CTNNA3: variants seen among roughly 807,000 people sequenced by gnomAD.
The protein encoded by CTNNA3 is catenin alpha-3.
In CTNNA3, 76 loss-of-function variants were observed where a neutral mutation model predicts 95.7. The observed-to-expected ratio is 0.79, with a 90% confidence interval of 0.66 to 0.96. CTNNA3 has a LOEUF of 0.96. Among genes scored for constraint, CTNNA3 ranks in the 40% least tolerant of loss-of-function variants. CTNNA3 has a pLI of 0.00. For synonymous variants in CTNNA3, 431 were observed against 374.4 expected (o/e 1.15, Z -1.74); for missense variants, 1,191 against 1,089.8 (o/e 1.09, Z -1.31).
intron 13 of CTNNA3, among the ~76,000 whole-genome samples, chr10:66,138,318 A>T (rs2083452022): frequency 6.6e-6 from 1 of 152,172 alleles, no homozygotes; most frequent in Non-Finnish European, 1.5e-5. Flanking sequence ...CAACCACATG[A>T]TGACATAGTA....
intron 1 of CTNNA3, chr10:67,750,205 C>T (rs1589588925): frequency 1.4e-6 from 2 of 1,379,424 alleles, no homozygotes; most frequent in African/African-American, 1.4e-5. Flanking sequence ...AGACCAAGAA[C>T]CCACTGGAAG....
rs995139639 is a variant in CTNNA3 at position 67,058,003 on chromosome 10, G to A, written c.1047+122314C>T. 3.9e-5 allele frequency among the ~76,000 whole-genome samples: 6 copies of A among 152,106 alleles called. No individual in the cohort carries two copies. In the South Asian group the frequency reaches 6.2e-4, roughly 16 times the overall value. On this transcript the variant is annotated intron_variant, in intron 7 of 17. Transcript: ENST00000433211. ...ATCAGCAGGAAAGATAAGTGATTGC[G>A]CAAAGTTCCCCACATCATAGACACA...
At chr10:67,607,144 G>GCTCAAGTGTCAACTGT in intron 2 of CTNNA3, 95 bp from the exon 3 acceptor site, 1 of 1,006,416 alleles carries the variant, frequency 9.9e-7, no homozygotes, top group Non-Finnish European at 1.4e-6. Flanking sequence ...CAGTACAGTT[G>GCTCAAGTGTCAACTGT]ACACTTGAGC....
intron 9 of CTNNA3, among the ~76,000 whole-genome samples, chr10:66,658,246 C>CT (rs1846137683): frequency 7.1e-6 from 1 of 139,966 alleles, no homozygotes; most frequent in African/African-American, 2.4e-5. Flanking sequence ...CTCTCTCTCC[C>CT]CCTCCCTCTC....
chr10:66,702,429 T>C (rs543118999), intron 9 of CTNNA3, among the ~76,000 whole-genome samples: 2 of 152,136 alleles, frequency 1.3e-5, no homozygotes, highest in East Asian at 3.9e-4. Flanking sequence ...TCATTAACAA[T>C]GGTTTTTGTC....
chr10:66,881,679 A>T (rs1034259397), intron 7 of CTNNA3, among the ~76,000 whole-genome samples: 1 of 152,072 alleles, frequency 6.6e-6, no homozygotes, highest in Non-Finnish European at 1.5e-5. Context: ...CTGCAATGAC[A>T]CTGATCAGCA....
intron 7 of CTNNA3, among the ~76,000 whole-genome samples, chr10:66,843,731 G>T (rs2132355268): frequency 6.6e-6 from 1 of 152,308 alleles, no homozygotes; most frequent in East Asian, 1.9e-4. Flanking sequence ...AGAAGGACAT[G>T]ACCCTTTTAT....
intron 11 of CTNNA3, among the ~76,000 whole-genome samples, chr10:66,422,710 T>C (rs1319983836): frequency 6.6e-6 from 1 of 152,166 alleles, no homozygotes; most frequent in Non-Finnish European, 1.5e-5. Context: ...ATCAATCTAG[T>C]CACTGAACTG....
At chr10:66,754,179 T>C (rs1474050057) in intron 9 of CTNNA3, among the ~76,000 whole-genome samples, 1 of 152,200 alleles carries the variant, frequency 6.6e-6, no homozygotes, top group Non-Finnish European at 1.5e-5. Flanking sequence ...GCATAAAGGT[T>C]GACATATAGA....
intron 10 of CTNNA3, among the ~76,000 whole-genome samples, chr10:66,527,179 C>T (rs547628764): frequency 3.0e-4 from 45 of 152,254 alleles, no homozygotes; most frequent in Non-Finnish European, 5.7e-4. Flanking sequence ...AAAAGACTAT[C>T]CTTTACCCAT....
chr10:67,724,077 C>G (rs1841195039), intron 1 of CTNNA3, among the ~76,000 whole-genome samples: 1 of 152,158 alleles, frequency 6.6e-6, no homozygotes, highest in Non-Finnish European at 1.5e-5. Flanking sequence ...TCAGCAGTGA[C>G]CCTGATAATG....
chr10:66,058,879 T>C (rs984915889), intron 15 of CTNNA3, among the ~76,000 whole-genome samples: 49 of 152,272 alleles, frequency 3.2e-4, no homozygotes, highest in African/African-American at 1.2e-3. Flanking sequence ...GCAGCATACA[T>C]GCTTTCTCTT....
intron 7 of CTNNA3, among the ~76,000 whole-genome samples, chr10:66,890,169 A>T (rs149150164): frequency 6.6e-6 from 1 of 152,168 alleles, no homozygotes; most frequent in Non-Finnish European, 1.5e-5. Context: ...ACCTTTAGAC[A>T]TCTCAGTGGA....
chr10:66,089,633 C>A (rs2081134991), intron 14 of CTNNA3, among the ~76,000 whole-genome samples: 1 of 151,898 alleles, frequency 6.6e-6, no homozygotes, highest in African/African-American at 2.4e-5. Flanking sequence ...ATAGAACAGA[C>A]CATGTGTTAG....
intron 13 of CTNNA3, among the ~76,000 whole-genome samples, chr10:66,260,572 G>T (rs1167261845): frequency 6.6e-6 from 1 of 151,752 alleles, no homozygotes; most frequent in East Asian, 2.0e-4. Context: ...GAGGACAAAA[G>T]GGAAGTTTTC....
At chr10:66,928,102 C>A (rs1174443769) in intron 7 of CTNNA3, 62 of 1,613,956 alleles carry the variant, frequency 3.8e-5, no homozygotes, top group Non-Finnish European at 4.6e-5. Flanking sequence ...ACCCCCTTTG[C>A]CCCCGACGGT....
At chr10:67,089,139 G>T (rs1317354069) in intron 7 of CTNNA3, among the ~76,000 whole-genome samples, 1 of 151,764 alleles carries the variant, frequency 6.6e-6, no homozygotes, top group Non-Finnish European at 1.5e-5. Context: ...TTTTGCTATC[G>T]GGAGTCCTAG....
intron 5 of CTNNA3, among the ~76,000 whole-genome samples, chr10:67,400,077 C>G (rs1260859347): frequency 4.0e-5 from 6 of 150,914 alleles, no homozygotes; most frequent in Non-Finnish European, 7.4e-5. Context: ...CACCTCCCCC[C>G]ACCCCACAAC....
At chr10:67,008,434 G>A (rs1589593996) in intron 7 of CTNNA3, among the ~76,000 whole-genome samples, 1 of 152,084 alleles carries the variant, frequency 6.6e-6, no homozygotes, top group East Asian at 1.9e-4. Context: ...TCACCTCTTA[G>A]TAGGCTGAAA....
Sources: allele counts gnomAD v4.1 joint callset (sites outside exome capture counted in the v4.1 genomes callset), GRCh38; gene constraint gnomAD v4.1.1; transcripts MANE v1.5; gene names NCBI Gene and HGNC (gene_info 2026-07-23, HGNC 2026-07-21).